MCCC1: variants seen among roughly 807,000 people sequenced by gnomAD.
The protein encoded by MCCC1 is methylcrotonoyl-CoA carboxylase subunit alpha, mitochondrial.
In MCCC1, 64 loss-of-function variants were observed where a neutral mutation model predicts 83.8. The observed-to-expected ratio is 0.76, with a 90% CI of 0.62 to 0.94. MCCC1 has a LOEUF of 0.94. Ranked by LOEUF, MCCC1 falls within the 40% of genes least tolerant of loss-of-function variation. The probability of loss-of-function intolerance (pLI) is 0.00; values close to 1 mark genes in which losing one functional copy is unlikely to be tolerated. For missense variants in MCCC1, 807 were observed against 904.7 expected (o/e 0.89, Z 1.39); for synonymous variants, 322 against 315.4 (o/e 1.02, Z -0.22).
intron 8 of MCCC1, among the ~76,000 whole-genome samples, chr3:183,056,324 C>A (rs1715421192): frequency 6.6e-6 from 1 of 151,906 alleles, no homozygotes; most frequent in Non-Finnish European, 1.5e-5. Flanking sequence ...AACCTCTGAT[C>A]CCTGACTTTT....
chr3:183,032,047 A>G (rs1010412619), intron 14 of MCCC1, among the ~76,000 whole-genome samples: 5 of 152,270 alleles, frequency 3.3e-5, no homozygotes, highest in Admixed American at 3.3e-4. Context: ...AGACTTAGCT[A>G]TGTATCATTT....
chr3:183,038,250 T>C (rs1297723293), intron 12 of MCCC1, among the ~76,000 whole-genome samples: 3 of 152,140 alleles, frequency 2.0e-5, no homozygotes, highest in African/African-American at 7.2e-5. Flanking sequence ...GGATAAAGAA[T>C]AACAAAAGGT....
intron 1 of MCCC1, among the ~76,000 whole-genome samples, chr3:183,106,079 C>T (rs1263750631): frequency 3.7e-4 from 5 of 13,612 alleles, no homozygotes; most frequent in Non-Finnish European, 1.1e-3. Context: ...ACAGAGAGTC[C>T]GTAAAAAAAA....
In MCCC1 at chr3:183,053,825, C is replaced by CA. The variant is rs1292214413; in HGVS notation, c.874-1586dup. On this transcript the variant is annotated intron_variant, in intron 8 of 18. Transcript: ENST00000265594. ...GTCTCAAAAAAAAAACAAAAAAAAA[C>CA]AAAAAAAAATTAAAAAATAGGAAAA... Among the ~76,000 whole-genome samples the CA allele has an allele frequency of 6.8e-4, 93 of 136,262 alleles. 1 individual carries two copies. The highest frequency in any genetic ancestry group is 1.6e-3 in the African/African-American group (59 of 36,654). The allele number at this position is 136,262 out of a possible 152,430, so 89.4% of individuals were successfully genotyped here. A position where few individuals can be genotyped will look rare whatever the true frequency, so the allele number is the denominator to read the frequency against.
chr3:183,017,088 TAAAGTA>T (rs1385142879), intron 18 of MCCC1, 172 bp downstream of exon 18: 2 of 626,960 alleles, frequency 3.2e-6, no homozygotes, highest in African/African-American at 1.8e-5. Context: ...TTCACAAAGT[TAAAGTA>T]AAACTCTTTT....
At chr3:183,026,130 C>A (rs977535437) in intron 14 of MCCC1, among the ~76,000 whole-genome samples, 7 of 152,168 alleles carry the variant, frequency 4.6e-5, no homozygotes, top group Admixed American at 3.9e-4. Context: ...GCAGCCTTAA[C>A]CTCCTGGGGT....
At chr3:183,030,996 T>G (rs1713022274) in intron 14 of MCCC1, among the ~76,000 whole-genome samples, 1 of 152,116 alleles carries the variant, frequency 6.6e-6, no homozygotes, top group Non-Finnish European at 1.5e-5. Flanking sequence ...CCAAAAAAAC[T>G]CCTACCCTAG....
chr3:183,031,786 C>T (rs1306889297), intron 14 of MCCC1, among the ~76,000 whole-genome samples: 1 of 150,730 alleles, frequency 6.6e-6, no homozygotes, highest in East Asian at 1.9e-4. Flanking sequence ...GTGGGAGATA[C>T]CGTGCCTGGC....
At chr3:183,047,729 G>A (rs1372435317) in intron 9 of MCCC1, among the ~76,000 whole-genome samples, 1 of 151,464 alleles carries the variant, frequency 6.6e-6, no homozygotes, top group East Asian at 1.9e-4. Context: ...AGTACGTTGG[G>A]TATGGCAGGG....
chr3:183,087,869 CAAAAA>C (rs1223603175), intron 3 of MCCC1, among the ~76,000 whole-genome samples: 3 of 51,336 alleles, frequency 5.8e-5, no homozygotes, highest in Non-Finnish European at 1.3e-4. Flanking sequence ...GACTCCTTCT[CAAAAA>C]AAAAAAAAAA....
At chr3:183,045,906 AAAG>A (rs1714522249) in intron 9 of MCCC1, among the ~76,000 whole-genome samples, 2 of 152,176 alleles carry the variant, frequency 1.3e-5, no homozygotes, top group African/African-American at 4.8e-5. Context: ...CCATGGAGAA[AAAG>A]AAAACTTTTT....
At chr3:183,101,613 G>A (rs912402983), upstream of MCCC1, among the ~76,000 whole-genome samples, 1 of 152,188 alleles carries the variant, frequency 6.6e-6, no homozygotes, top group Non-Finnish European at 1.5e-5. Context: ...GACAAAACAG[G>A]CCACTGGGCT....
At chr3:183,092,991 T>C (rs913985440) in intron 2 of MCCC1, among the ~76,000 whole-genome samples, 1 of 152,018 alleles carries the variant, frequency 6.6e-6, no homozygotes, top group Non-Finnish European at 1.5e-5. Context: ...CCTCCCAGGG[T>C]CAAGCAATTC....
intron 8 of MCCC1, 147 bp downstream of exon 8, chr3:183,057,164 G>A (rs146971631): frequency 8.6e-6 from 6 of 697,184 alleles, no homozygotes; most frequent in Middle Eastern, 2.7e-4. Context: ...ACCACAGGAG[G>A]TCTTTTCACT....
At chr3:183,062,674 T>C (rs111999040) in intron 7 of MCCC1, among the ~76,000 whole-genome samples, 10 of 152,182 alleles carry the variant, frequency 6.6e-5, no homozygotes, top group African/African-American at 2.4e-4. Flanking sequence ...GTCTTAGAAG[T>C]TGGAAACACT....
intron 4 of MCCC1, among the ~76,000 whole-genome samples, chr3:183,081,859 G>A (rs549295748): frequency 4.9e-4 from 75 of 152,142 alleles, no homozygotes; most frequent in Non-Finnish European, 6.3e-4. Flanking sequence ...TCTTGCAGCC[G>A]GACAGGTGGG....
At chr3:183,049,936 C>T (rs1442687047) in intron 9 of MCCC1, among the ~76,000 whole-genome samples, 1 of 151,962 alleles carries the variant, frequency 6.6e-6, no homozygotes, top group Non-Finnish European at 1.5e-5. Context: ...CTTGGCAATA[C>T]AGGGGGACCC....
intron 14 of MCCC1, among the ~76,000 whole-genome samples, chr3:183,030,714 C>A (rs1176161600): frequency 6.6e-6 from 1 of 151,274 alleles, no homozygotes; most frequent in Non-Finnish European, 1.5e-5. Context: ...TCAACATACA[C>A]ACTTCCAAAT....
intron 4 of MCCC1, among the ~76,000 whole-genome samples, chr3:183,075,611 T>C (rs1346481351): frequency 4.6e-5 from 7 of 150,582 alleles, no homozygotes; most frequent in Non-Finnish European, 8.8e-5. Context: ...CATGATCTCA[T>C]CTCATTGCAA....
Sources: gnomAD v4.1 joint callset for allele counts (sites outside exome capture counted in the v4.1 genomes callset) on GRCh38, gnomAD v4.1.1 for gene constraint, MANE v1.5 for transcripts, NCBI Gene and HGNC (gene_info 2026-07-23, HGNC 2026-07-21) for gene names.